Variants in ATP12A observed in about 807,000 individuals in gnomAD.
ATP12A encodes the protein potassium-transporting ATPase alpha chain 2.
Under a neutral mutation model 111.2 loss-of-function variants are expected in ATP12A, and 81 were observed. The ratio of observed to expected loss-of-function variants is 0.73; its 90% CI spans 0.61 to 0.88. ATP12A has a LOEUF of 0.88. ATP12A is among the 40% of genes least tolerant of loss of function. ATP12A has a pLI of 0.00. For missense variants in ATP12A, 1,196 were observed against 1,313.1 expected, an observed-to-expected ratio of 0.91 and a Z score of 1.38; for synonymous variants, 498 against 499.8, an observed-to-expected ratio of 1.00 and a Z score of 0.05.
intron 10 of ATP12A, among the ~76,000 whole-genome samples, chr13:24,694,118 C>A (rs1350798139): frequency 6.6e-6 from 1 of 152,202 alleles, no homozygotes; most frequent in Admixed American, 6.5e-5. Flanking sequence ...CCCCTCATGC[C>A]CCTGCACCCG....
chr13:24,708,107 G>T (rs1408709914), intron 17 of ATP12A, among the ~76,000 whole-genome samples: 2 of 152,202 alleles, frequency 1.3e-5, no homozygotes, highest in Non-Finnish European at 2.9e-5. Context: ...AGTGACTAAA[G>T]TGATAATCTC....
Position 24,692,782 on chromosome 13 carries a change from T to C in ATP12A, c.1268-5T>C. ...AGCAGCCACTGTTCTTTCTCTGTCTTCCAGACCAAGTCTTTGACCAAAGCT... is the reference window on the plus strand; with the variant it reads ...AGCAGCCACTGTTCTTTCTCTGTCTCCCAGACCAAGTCTTTGACCAAAGCT... On this transcript the variant is annotated splice_polypyrimidine_tract_variant and splice_region_variant and intron_variant, in intron 9 of 22. Transcript: ENST00000381946. 1 of 1,613,820 alleles carries C rather than the reference T, an allele frequency of 6.2e-7. No individual in the cohort carries two copies. The highest frequency in any genetic ancestry group is 2.2e-5 in the East Asian group (1 of 44,882).
In ATP12A at chr13:24,680,687, C is replaced by T; in HGVS notation, c.-57C>T. The stretch of plus-strand genomic sequence containing the variant: ...CGAGGCCCCCCACCGTGCGCTCCGC[C>T]GCTGCGGTCCCGGATCCGCGCTCCA... On this transcript the variant is annotated 5_prime_UTR_variant, in exon 1 of 23. Transcript: ENST00000381946. The T allele has an allele frequency of 6.7e-7, 1 of 1,498,842 alleles. No homozygotes were observed. Among genetic ancestry groups the T allele is most frequent in the Non-Finnish European group, 8.8e-7 (1 of 1,130,668 alleles). 92.8% of individuals were successfully genotyped at this position (1,498,842 alleles called of 1,614,324 possible).
Position 24,710,745 on chromosome 13 carries a change from T to C in ATP12A, c.2898-47T>C, listed in dbSNP as rs112662065. 2.4e-5 allele frequency: 39 copies of C among 1,607,678 alleles called. 1 individual carries two copies. The African/African-American group carries it at 3.2e-4, about 13-fold the overall frequency. ...GCATGGTCTGCTGGGTGTATGATCA[T>C]GAAGCCACAAGAATCCCAAGTCTGT... On this transcript the variant is annotated intron_variant, in intron 20 of 22. Transcript: ENST00000381946.
chr13:24,681,071 T>A (rs2137682977), intron 1 of ATP12A, among the ~76,000 whole-genome samples: 1 of 152,256 alleles, frequency 6.6e-6, no homozygotes, highest in South Asian at 2.1e-4. Context: ...ATGGATTCGT[T>A]GCGGTCTGAA....
intron 5 of ATP12A, 54 bp from the exon 6 acceptor site, chr13:24,690,284 G>A: frequency 6.3e-7 from 1 of 1,598,798 alleles, no homozygotes; most frequent in Non-Finnish European, 8.5e-7. Context: ...AGACTTGGGG[G>A]AGGGCCGGTG....
chr13:24,699,593 T>C (rs1474364480), intron 12 of ATP12A, among the ~76,000 whole-genome samples: 2 of 152,162 alleles, frequency 1.3e-5, no homozygotes, highest in African/African-American at 4.8e-5. Context: ...GGATAATGTT[T>C]AAAAATGATT....
At chr13:24,707,461 TG>T in intron 17 of ATP12A, 28 bp downstream of exon 17, 1 of 1,613,754 alleles carries the variant, frequency 6.2e-7, no homozygotes, top group Non-Finnish European at 8.5e-7. Context: ...GAACAGGCTG[TG>T]ATGCCTGCCC....
At chr13:24,692,408 C>A in intron 8 of ATP12A, 21 bp from the exon 9 acceptor site, 2 of 1,609,458 alleles carry the variant, frequency 1.2e-6, no homozygotes, top group Non-Finnish European at 1.7e-6. Flanking sequence ...TTTCCCAAAG[C>A]GTCCTTCCCT....
rs1693141432 is a variant in ATP12A, at chr13:24,707,180, G to A, written c.2327G>A (p.Gly776Glu). 1.9e-6 allele frequency: 3 copies of A among 1,613,766 alleles called. No individual in the cohort carries two copies. The highest frequency in any genetic ancestry group is 2.7e-5 in the African/African-American group (2 of 74,942). The change falls in exon 16 of 23, where the codon GGG becomes GAG. Residue 776 changes from glycine (G) to glutamate (E), a missense_variant. Gly to Glu is a moderately conservative substitution (Grantham distance 98). Transcript: ENST00000381946. ...GACAACTTCGCATCCATCGTCACAG[G>A]GGTGGAGGAAGGTGAGTGAGTCTCA... is the stretch of plus-strand genomic sequence containing the variant. The part of the protein sequence containing the change: ...LDDNFASIVT[G>E]VEEGRLIFDN...
rs1874385805 is a variant in ATP12A, at chr13:24,680,500, T to G, written c.-244T>G. ...CTACCCTCCGAGGCGTCCGCTGGCC[T>G]GCGCCCTGGCGGGGACGTGGGCGGG... On this transcript the variant is annotated 5_prime_UTR_variant, in exon 1 of 23. Transcript: ENST00000381946. 6.4e-6 allele frequency: 3 copies of G among 467,148 alleles called. No individual in the cohort carries two copies. Among genetic ancestry groups the G allele is most frequent in the Non-Finnish European group, 1.1e-5 (3 of 269,832 alleles). The allele number at this position is 467,148 out of a possible 1,614,324, so 28.9% of individuals were successfully genotyped here.
In ATP12A at chr13:24,680,736, A is replaced by C. The variant is rs922639716; in HGVS notation, c.-8A>C. On this transcript the variant is annotated 5_prime_UTR_variant, in exon 1 of 23. Transcript: ENST00000381946. ...CACGCCCGCAGCCCGCGGCGCCACC[A>C]GCCCAGCATGCACCAGGTGCGTGCA... 20 of 1,501,268 alleles carry C rather than the reference A, an allele frequency of 1.3e-5. No individual in the cohort carries two copies. The highest frequency in any genetic ancestry group is 1.8e-5 in the Non-Finnish European group (20 of 1,132,662). The allele number at this position is 1,501,268 out of a possible 1,614,324, so 93.0% of individuals were successfully genotyped here.
At chr13:24,708,942 A>AAAGAAAGGAAGAAAGG in intron 17 of ATP12A, among the ~76,000 whole-genome samples, 1 of 107,860 alleles carries the variant, frequency 9.3e-6, no homozygotes, top group African/African-American at 4.0e-5. Context: ...AGAAAGAAAG[A>AAAGAAAGGAAGAAAGG]AAGAAAGAAA....
At chr13:24,686,228 C>G (rs753957500) in intron 3 of ATP12A, among the ~76,000 whole-genome samples, 1 of 150,784 alleles carries the variant, frequency 6.6e-6, no homozygotes, top group Non-Finnish European at 1.5e-5. Context: ...CACCTGAGGT[C>G]GGGAGTTTGA....
At position 24,696,718 on chromosome 13, in the gene ATP12A, CAAAAAAAAAAA is replaced by C. The variant is rs1199522203; in HGVS notation, c.1513-1922_1513-1912del. The stretch of plus-strand genomic sequence containing the variant: ...TGGGCGACAGAGCGAGACTCCGTCT[CAAAAAAAAAAA>C]AAAAAAAAAAAAAAAAAGAAAGGGG... On this transcript the variant is annotated intron_variant, in intron 11 of 22. Transcript: ENST00000381946. Among the ~76,000 whole-genome samples, 124 of 33,028 alleles carry C rather than the reference CAAAAAAAAAAA, an allele frequency of 3.8e-3. 11 individuals are homozygous for C. The highest frequency in any genetic ancestry group is 0.011 in the African/African-American group (115 of 10,882). The allele number at this position is 33,028 out of a possible 152,430, so 21.7% of individuals were successfully genotyped here. A position where few individuals can be genotyped will look rare whatever the true frequency, so the allele number is the denominator to read the frequency against.
At chr13:24,706,166 C>T in intron 14 of ATP12A, 147 bp from the exon 15 acceptor site, 2 of 1,004,770 alleles carry the variant, frequency 2.0e-6, no homozygotes, top group Non-Finnish European at 2.9e-6. Context: ...GTTCCCAGGA[C>T]TCCTGTTACC....
rs117730632 is a variant in ATP12A at position 24,683,920 on chromosome 13, G to A, written c.169-1394G>A. ...ATGCTTTTGCCTCCCAACCTTTCTT[G>A]GCAAATTAGTGCCTAATGACAACTG... On this transcript the variant is annotated intron_variant, in intron 2 of 22. Coordinates refer to ENST00000381946, the MANE Select transcript of ATP12A (RefSeq NM_001676.7). Among the ~76,000 whole-genome samples, 4 of 152,232 alleles carry A rather than the reference G, an allele frequency of 2.6e-5. No individual in the cohort carries two copies. The East Asian group carries it at 5.8e-4, about 22-fold the overall frequency.
At chr13:24,686,381 G>T (rs1214844401) in intron 3 of ATP12A, among the ~76,000 whole-genome samples, 1 of 147,458 alleles carries the variant, frequency 6.8e-6, no homozygotes, top group Non-Finnish European at 1.5e-5. Flanking sequence ...CAGAGGTTGC[G>T]GTGAGCCAAG....
intron 2 of ATP12A, among the ~76,000 whole-genome samples, 182 bp downstream of exon 2, chr13:24,681,902 T>C (rs56150232): frequency 0.14 from 19,950 of 147,460 alleles, 1,368 homozygotes; most frequent in Middle Eastern, 0.2. Flanking sequence ...GGTGTATGTG[T>C]GGTGTGTGTG....
Sources: allele counts gnomAD v4.1 joint callset (sites outside exome capture counted in the v4.1 genomes callset), GRCh38; gene constraint gnomAD v4.1.1; transcripts MANE v1.5; gene names NCBI Gene and HGNC (gene_info 2026-07-23, HGNC 2026-07-21).